The following IKBKB-DT variants were observed in gnomAD, a reference collection of about 807,000 sequenced individuals.
The protein encoded by IKBKB-DT is IKBKB divergent transcript.
intron 3 of IKBKB-DT, among the ~76,000 whole-genome samples, chr8:42,239,760 C>T (rs1232455892): frequency 6.6e-6 from 1 of 150,434 alleles, no homozygotes; most frequent in East Asian, 2.0e-4. Context: ...ATTCTCCTGC[C>T]TCAGCCTCCC....
chr8:42,247,367 T>C (rs1763657296), intron 3 of IKBKB-DT, among the ~76,000 whole-genome samples: 3 of 152,208 alleles, frequency 2.0e-5, no homozygotes, highest in Admixed American at 6.5e-5. Flanking sequence ...CTATTTGGAA[T>C]GGGAGCATTT....
At chr8:42,261,622 C>A (rs538968415) in intron 3 of IKBKB-DT, among the ~76,000 whole-genome samples, 1 of 152,152 alleles carries the variant, frequency 6.6e-6, no homozygotes, top group Admixed American at 6.5e-5. Context: ...TTTTGTAATT[C>A]TCCTTCTCCT....
In IKBKB-DT at chr8:42,266,865, G is replaced by T. The variant is rs140668417; in HGVS notation, n.604-469C>A. On this transcript the variant is annotated intron_variant and non_coding_transcript_variant, in intron 1 of 3. Transcript: ENST00000518213. ...TACCCTATTTGGTCTAAAAAAGGGA[G>T]GCATGAATAACCCACCCCTTGTTTA... Among the ~76,000 whole-genome samples the T allele has an allele frequency of 5.9e-5, 9 of 152,230 alleles. No individual in the cohort carries two copies. In the East Asian group the frequency reaches 1.7e-3, roughly 29 times the overall value.
At chr8:42,248,649 G>A (rs759199884) in intron 3 of IKBKB-DT, among the ~76,000 whole-genome samples, 1 of 152,102 alleles carries the variant, frequency 6.6e-6, no homozygotes, top group Non-Finnish European at 1.5e-5. Context: ...GGGAGGCCAA[G>A]GCAGGCGGAT....
intron 2 of IKBKB-DT, among the ~76,000 whole-genome samples, chr8:42,263,973 G>A (rs1378372929): frequency 6.6e-6 from 1 of 151,860 alleles, no homozygotes; most frequent in African/African-American, 2.4e-5. Flanking sequence ...CACTATGCCT[G>A]GATAATTTTT....
At chr8:42,255,611 C>A (rs1807188915) in intron 3 of IKBKB-DT, 1 of 152,176 alleles carries the variant, frequency 6.6e-6, no homozygotes, top group Admixed American at 6.6e-5. Context: ...ACTGTCTGAT[C>A]ATATCGGATT....
intron 3 of IKBKB-DT, chr8:42,255,559 G>T (rs1455354742): frequency 1.3e-5 from 2 of 152,180 alleles, no homozygotes; most frequent in Non-Finnish European, 2.9e-5. Flanking sequence ...AAAGTATGAG[G>T]TTGGCTTTTT....
chr8:42,265,189 T>G (rs1229677542), intron 2 of IKBKB-DT, among the ~76,000 whole-genome samples: 1 of 152,032 alleles, frequency 6.6e-6, no homozygotes, highest in Non-Finnish European at 1.5e-5. Context: ...TAAAGATAGG[T>G]TCTTGTTATG....
intron 3 of IKBKB-DT, among the ~76,000 whole-genome samples, chr8:42,253,158 G>A (rs981079664): frequency 2.6e-5 from 4 of 152,032 alleles, no homozygotes; most frequent in African/African-American, 9.7e-5. Context: ...AAAGAACCTT[G>A]GTCTCCACAA....
intron 3 of IKBKB-DT, among the ~76,000 whole-genome samples, chr8:42,257,828 G>T (rs996633715): frequency 1.3e-5 from 2 of 151,452 alleles, no homozygotes; most frequent in African/African-American, 4.9e-5. Context: ...TAAATTTTTT[G>T]ATTAAACAGG....
At chr8:42,259,513 C>G (rs550229122) in intron 3 of IKBKB-DT, among the ~76,000 whole-genome samples, 1 of 152,254 alleles carries the variant, frequency 6.6e-6, no homozygotes, top group East Asian at 1.9e-4. Context: ...CTTAACTTAG[C>G]AAAACCCTGA....
chr8:42,260,668 C>CAAAAAAAAAAAA (rs771731696), intron 3 of IKBKB-DT, among the ~76,000 whole-genome samples: 1 of 44,932 alleles, frequency 2.2e-5, no homozygotes. Context: ...GACTCTGTCT[C>CAAAAAAAAAAAA]AAAAAAAAAA....
intron 3 of IKBKB-DT, among the ~76,000 whole-genome samples, chr8:42,238,649 A>T: frequency 6.6e-6 from 1 of 152,204 alleles, no homozygotes; most frequent in East Asian, 1.9e-4. Context: ...ACTTCTATAG[A>T]TAACATCCTT....
At chr8:42,238,097 T>C (rs1236153215) in intron 3 of IKBKB-DT, among the ~76,000 whole-genome samples, 6 of 128,384 alleles carry the variant, frequency 4.7e-5, no homozygotes, top group African/African-American at 1.7e-4. Flanking sequence ...ACCCCACAAC[T>C]CAGTATCAGT....
At chr8:42,260,018 A>G (rs1034008530) in intron 3 of IKBKB-DT, among the ~76,000 whole-genome samples, 1 of 149,592 alleles carries the variant, frequency 6.7e-6, no homozygotes, top group Non-Finnish European at 1.5e-5. Context: ...GAGAGAAAAG[A>G]GAGAGAGAGA....
At chr8:42,235,840 C>T (rs1442779496) in intron 3 of IKBKB-DT, among the ~76,000 whole-genome samples, 3 of 151,994 alleles carry the variant, frequency 2.0e-5, no homozygotes, top group Non-Finnish European at 2.9e-5. Context: ...AACCAATTGG[C>T]TCAGCCTGGC....
exon 1 of IKBKB-DT, chr8:42,271,221 C>A (rs768349441): frequency 1.8e-4 from 114 of 645,382 alleles, no homozygotes; most frequent in Non-Finnish European, 2.6e-4. Flanking sequence ...CCGGGACAGG[C>A]GCAGCACTCG....
exon 2 of IKBKB-DT, among the ~76,000 whole-genome samples, chr8:42,265,930 C>A (rs1443042672): frequency 2.0e-5 from 3 of 152,130 alleles, no homozygotes; most frequent in Admixed American, 1.3e-4. Flanking sequence ...CAGCAGCTGG[C>A]CAATTTCCTT....
intron 2 of IKBKB-DT, among the ~76,000 whole-genome samples, chr8:42,264,348 G>A (rs117169307): frequency 6.6e-6 from 1 of 151,696 alleles, no homozygotes; most frequent in Non-Finnish European, 1.5e-5. Context: ...TAGAGATGGG[G>A]TCTCCCTATA....
Sources: gnomAD v4.1 joint callset for allele counts (sites outside exome capture counted in the v4.1 genomes callset) on GRCh38, gnomAD v4.1.1 for gene constraint, MANE v1.5 for transcripts, NCBI Gene and HGNC (gene_info 2026-07-23, HGNC 2026-07-21) for gene names.